The following HSPH1 variants were observed in gnomAD, a reference collection of about 807,000 sequenced individuals.
The protein encoded by HSPH1 is heat shock protein 105 kDa.
Under a neutral mutation model 100.0 loss-of-function variants are expected in HSPH1, and 40 were observed. That is an observed-to-expected ratio of 0.40 (90% CI 0.31 to 0.52). HSPH1 has a LOEUF of 0.52. Ranked by LOEUF, HSPH1 falls within the 20% of genes least tolerant of loss-of-function variation. The probability of loss-of-function intolerance (pLI) is 0.54; values close to 1 mark genes in which losing one functional copy is unlikely to be tolerated. For missense variants in HSPH1, 876 were observed against 1,015.1 expected, an observed-to-expected ratio of 0.86 and a Z score of 1.86; for synonymous variants, 403 against 344.0, an observed-to-expected ratio of 1.17 and a Z score of -1.90.
chr13:31,144,089 T>C (rs749653066), intron 11 of HSPH1, among the ~76,000 whole-genome samples, 166 bp from the exon 12 acceptor site: 10 of 152,198 alleles, frequency 6.6e-5, no homozygotes, highest in Non-Finnish European at 1.3e-4. Context: ...TGAAAACTTC[T>C]GTAGAAATTC....
At chr13:31,162,231 C>G, upstream of HSPH1, 1 of 812,308 alleles carries the variant, frequency 1.2e-6, no homozygotes, top group Admixed American at 2.3e-5. Flanking sequence ...TCACAATTTA[C>G]TACCGGGAGG....
intron 13 of HSPH1, chr13:31,140,712 T>C (rs182668731): frequency 1.3e-3 from 220 of 171,952 alleles, no homozygotes; most frequent in Non-Finnish European, 2.1e-3. Context: ...CTACAGTTTA[T>C]TGTTAAATAA....
In HSPH1 at chr13:31,161,501, T is replaced by C. The variant is rs917015645; in HGVS notation, c.82A>G (p.Asn28Asp). 1 of 1,613,876 alleles carries C rather than the reference T, an allele frequency of 6.2e-7. No homozygotes were observed. Among genetic ancestry groups the C allele is most frequent in the Non-Finnish European group, 8.5e-7 (1 of 1,179,956 alleles). ...GGGGTGCACCGGTCGCTGAACTCAT[T>C]GGCGATGGTCTCGATGCCCCCGGCC... is the stretch of plus-strand genomic sequence containing the variant. Reference protein sequence around the residue: ...ARAGGIETIANEFSDRCTPSV... With the variant: ...ARAGGIETIADEFSDRCTPSV... The change falls in exon 1 of 18, where the codon AAT becomes GAT. Residue 28 changes from asparagine to aspartate, a missense_variant. By Grantham distance (23) the Asn-to-Asp change is conservative (BLOSUM62 1). Transcript: ENST00000320027.
At chr13:31,145,434 T>C in intron 11 of HSPH1, 129 bp downstream of exon 11, 1 of 681,786 alleles carries the variant, frequency 1.5e-6, no homozygotes, top group Non-Finnish European at 2.5e-6. Flanking sequence ...GCTATTATCA[T>C]TACCTAAAAT....
At chr13:31,143,698 T>C (rs569271368) in intron 12 of HSPH1, 94 bp downstream of exon 12, 30 of 1,091,802 alleles carry the variant, frequency 2.7e-5, no homozygotes, top group South Asian at 2.1e-4. Flanking sequence ...ACGAAATCAA[T>C]TGGTGCTTGC....
chr13:31,154,204 A>C (rs901963638), intron 4 of HSPH1: 6 of 216,928 alleles, frequency 2.8e-5, no homozygotes, highest in African/African-American at 4.7e-5. Context: ...ACTGAAGGTA[A>C]CAGGCTTGCT....
At chr13:31,141,827 C>T (rs1436304881) in intron 12 of HSPH1, among the ~76,000 whole-genome samples, 5 of 151,528 alleles carry the variant, frequency 3.3e-5, no homozygotes, top group African/African-American at 1.2e-4. Context: ...CACACACACA[C>T]ACATTATTAC....
intron 7 of HSPH1, 21 bp downstream of exon 7, chr13:31,150,926 T>C: frequency 6.3e-7 from 1 of 1,594,820 alleles, no homozygotes; most frequent in Non-Finnish European, 8.5e-7. Context: ...ATCTATTTAA[T>C]CTGTAGAATT....
chr13:31,149,748 A>T (rs942498541), intron 8 of HSPH1, among the ~76,000 whole-genome samples: 4 of 152,184 alleles, frequency 2.6e-5, no homozygotes, highest in Non-Finnish European at 5.9e-5. Context: ...CCAGCTTGAG[A>T]AACACCAGCT....
At chr13:31,139,474 G>C (rs1477633201) in intron 14 of HSPH1, among the ~76,000 whole-genome samples, 1 of 151,950 alleles carries the variant, frequency 6.6e-6, no homozygotes, top group Non-Finnish European at 1.5e-5. Flanking sequence ...TTCATGTATG[G>C]TATGACTTCT....
chr13:31,154,275 C>T (rs1956596413), intron 4 of HSPH1: 4 of 305,284 alleles, frequency 1.3e-5, no homozygotes, highest in Non-Finnish European at 2.5e-5. Context: ...TCCTAATACA[C>T]TGGTTTCTCA....
chr13:31,153,156 G>T (rs746562229), intron 4 of HSPH1, among the ~76,000 whole-genome samples: 1 of 152,052 alleles, frequency 6.6e-6, no homozygotes, highest in Non-Finnish European at 1.5e-5. Flanking sequence ...AAAATTACAG[G>T]ATCAAAATAG....
chr13:31,148,343 T>C lies in HSPH1; in HGVS notation c.1244+31A>G, dbSNP rs374983917. The C allele has an allele frequency of 9.3e-6, 12 of 1,289,108 alleles. No homozygotes were observed. In the African/African-American group the frequency reaches 1.3e-4, roughly 14 times the overall value. 79.9% of individuals were successfully genotyped at this position (1,289,108 alleles called of 1,614,324 possible). ...TTGTTAATTTTTCTTCTTTACATTA[T>C]AGTATCTGAATGTTATTTTCTGCTA... On this transcript the variant is annotated intron_variant, in intron 9 of 17. Transcript: ENST00000320027.
Position 31,148,087 on chromosome 13 carries a change from T to C in HSPH1, c.1250A>G (p.His417Arg), listed in dbSNP as rs531202648. The stretch of plus-strand genomic sequence containing the variant: ...AGCATGGTTTCGACTAAAGACTTCA[T>C]GAACACTAGAGAGAAAAGAAAAAGG... ...NHDSEDTEGV[H>R]EVFSRNHAAP... The change falls in exon 10 of 18, where the codon CAT (histidine) becomes CGT (arginine). Residue 417 changes from histidine to arginine, a missense_variant. Transcript: ENST00000320027. The C allele has an allele frequency of 8.7e-6, 14 of 1,607,292 alleles. No individual in the cohort carries two copies. The South Asian group carries it at 1.6e-4, about 18-fold the overall frequency.
rs774465913 is a variant in HSPH1 at position 31,137,433 on chromosome 13, A to G, written c.2462T>C (p.Ile821Thr). 6.2e-7 allele frequency: 1 copy of G among 1,613,436 alleles called. No homozygotes were observed. The highest frequency in any genetic ancestry group is 1.3e-5 in the African/African-American group (1 of 74,862). ...KLERTPNGPN[I>T]DKKEEDLEDK... ...TTCTAAATCTTCTTCCTTTTTATCA[A>G]TATTTGGGCCATTTGGAGTTCTTTC... is the stretch of plus-strand genomic sequence containing the variant. Residue 821 changes from isoleucine (I) to threonine (T), a missense_variant, in exon 18 of 18, where the codon ATT becomes ACT. Ile to Thr is a moderately conservative substitution (Grantham distance 89). Coordinates refer to ENST00000320027, the MANE Select transcript of HSPH1 (RefSeq NM_006644.4).
intron 2 of HSPH1, among the ~76,000 whole-genome samples, chr13:31,155,888 CA>C (rs535271350): frequency 2.0e-5 from 3 of 152,124 alleles, no homozygotes; most frequent in Non-Finnish European, 4.4e-5. Flanking sequence ...GAACAAGAGG[CA>C]AAATAGTGTG....
In HSPH1 at chr13:31,135,744, G is replaced by C. The variant is rs1244785226; in HGVS notation, c.*1574C>G. ...TGAGGAAATAAACCTCAGCAGTCAA[G>C]TGTTACTAAACCTCATAGTTTGAAG... is the stretch of plus-strand genomic sequence containing the variant. On this transcript the variant is annotated 3_prime_UTR_variant, in exon 18 of 18. Coordinates refer to ENST00000320027, the MANE Select transcript of HSPH1 (RefSeq NM_006644.4). 1.3e-5 allele frequency: 2 copies of C among 152,206 alleles called. No individual in the cohort carries two copies. Among genetic ancestry groups the C allele is most frequent in the East Asian group, 3.8e-4 (2 of 5,198 alleles). 9.4% of individuals were successfully genotyped at this position (152,206 alleles called of 1,614,324 possible).
At position 31,135,456 on chromosome 13, in the gene HSPH1, T is replaced by C. The variant is rs938601385; in HGVS notation, c.*1862A>G. On this transcript the variant is annotated 3_prime_UTR_variant, in exon 18 of 18. Coordinates refer to ENST00000320027, the MANE Select transcript of HSPH1 (RefSeq NM_006644.4). ...TATTAACTGCATAAAAATTTAAAGT[T>C]GCTAAATGGTAAAGCAGCTAGAAAT... 2 of 152,236 alleles carry C rather than the reference T, an allele frequency of 1.3e-5. No homozygotes were observed. Among genetic ancestry groups the C allele is most frequent in the Non-Finnish European group, 2.9e-5 (2 of 68,052 alleles). 9.4% of individuals were successfully genotyped at this position (152,236 alleles called of 1,614,324 possible). A position where few individuals can be genotyped will look rare whatever the true frequency, so the allele number is the denominator to read the frequency against.
chr13:31,156,682 T>C (rs1956708920), intron 2 of HSPH1, among the ~76,000 whole-genome samples: 1 of 152,112 alleles, frequency 6.6e-6, no homozygotes, highest in African/African-American at 2.4e-5. Context: ...TAGCATGAAA[T>C]GCTAGTTATC....
Sources: allele counts gnomAD v4.1 joint callset (sites outside exome capture counted in the v4.1 genomes callset), GRCh38; gene constraint gnomAD v4.1.1; transcripts MANE v1.5; gene names NCBI Gene and HGNC (gene_info 2026-07-23, HGNC 2026-07-21).